JPH3: variants seen among roughly 807,000 people sequenced by gnomAD.
The protein encoded by JPH3 is junctophilin-3.
A neutral mutation model predicts 59.6 loss-of-function variants in JPH3; 11 were observed. The observed-to-expected ratio is 0.18, with a 90% CI of 0.12 to 0.31. The LOEUF (loss-of-function observed/expected upper bound fraction) is 0.31. Among genes scored for constraint, JPH3 ranks in the 10% least tolerant of loss-of-function variants. JPH3 has a pLI of 1.00. For synonymous variants in JPH3, 673 were observed against 483.6 expected (o/e 1.39, Z -5.14); for missense variants, 1,202 against 1,105.7 (o/e 1.09, Z -1.24).
intron 4 of JPH3, chr16:87,694,983 G>A (rs2033754968): frequency 3.4e-5 from 10 of 293,658 alleles, no homozygotes; most frequent in South Asian, 3.3e-4. Context: ...TCCACTCCGT[G>A]GCTGTTGTGA....
intron 2 of JPH3, among the ~76,000 whole-genome samples, chr16:87,673,753 C>T (rs1260577544): frequency 2.0e-5 from 3 of 151,918 alleles, no homozygotes; most frequent in Non-Finnish European, 4.4e-5. Flanking sequence ...TGGCGAAACC[C>T]TGTCTCTACT....
At chr16:87,692,433 G>C (rs532187895) in intron 4 of JPH3, among the ~76,000 whole-genome samples, 50 of 152,328 alleles carry the variant, frequency 3.3e-4, no homozygotes, top group African/African-American at 1.2e-3. Flanking sequence ...CCCTCACAGG[G>C]GTACAGCTCT....
intron 2 of JPH3, among the ~76,000 whole-genome samples, chr16:87,671,770 C>T (rs1321669979): frequency 6.6e-6 from 1 of 152,224 alleles, no homozygotes; most frequent in East Asian, 1.9e-4. Context: ...CTCCCTGAGG[C>T]ATGGAGACTG....
chr16:87,643,903 G>A (rs1434561161), intron 1 of JPH3, among the ~76,000 whole-genome samples: 1 of 152,178 alleles, frequency 6.6e-6, no homozygotes, highest in African/African-American at 2.4e-5. Flanking sequence ...ACTTCTGGAG[G>A]CTGAGGCAGG....
At chr16:87,654,220 TC>T (rs1238002912) in intron 2 of JPH3, 1 of 152,254 alleles carries the variant, frequency 6.6e-6, no homozygotes, top group Non-Finnish European at 1.5e-5. Context: ...CTCCAATGCA[TC>T]CCTCAAGACT....
chr16:87,660,787 C>T (rs556675179), intron 2 of JPH3, among the ~76,000 whole-genome samples: 1 of 152,198 alleles, frequency 6.6e-6, no homozygotes, highest in Non-Finnish European at 1.5e-5. Context: ...CTTGGGCCAT[C>T]CATATAAGGC....
intron 2 of JPH3, 38 bp downstream of exon 2, chr16:87,645,073 C>T: frequency 7.7e-6 from 12 of 1,566,854 alleles, no homozygotes; most frequent in Non-Finnish European, 1.0e-5. Context: ...TTCTTGGTGC[C>T]CAGAAGGTGT....
chr16:87,651,883 G>T (rs760886081), intron 2 of JPH3, among the ~76,000 whole-genome samples: 3 of 152,236 alleles, frequency 2.0e-5, no homozygotes, highest in East Asian at 1.9e-4. Flanking sequence ...AAGCTCTACC[G>T]TGAGTCAAAT....
intron 2 of JPH3, among the ~76,000 whole-genome samples, chr16:87,665,362 C>T (rs1052352657): frequency 6.6e-6 from 1 of 151,676 alleles, no homozygotes; most frequent in Non-Finnish European, 1.5e-5. Context: ...TGAGCCAGGT[C>T]ACCCTGGAGA....
chr16:87,663,377 G>A (rs1438838246), intron 2 of JPH3, among the ~76,000 whole-genome samples: 1 of 152,174 alleles, frequency 6.6e-6, no homozygotes, highest in African/African-American at 2.4e-5. Context: ...CAAACTACTG[G>A]GATTATAGGC....
rs113202509 is a variant in JPH3, at chr16:87,687,753, C to T, written c.1286-1893C>T. ...CCCTCCTGCTGGTGGTGCTGGGAGT[C>T]GGGGCCCCTCTAGCGTGGGGTCTCC... On this transcript the variant is annotated intron_variant, in intron 3 of 4. Coordinates refer to ENST00000284262, the MANE Select transcript of JPH3 (RefSeq NM_020655.4). Among the ~76,000 whole-genome samples, 1,496 of 152,252 alleles carry T rather than the reference C, an allele frequency of 9.8e-3. 8 individuals carry two copies. Among genetic ancestry groups the T allele is most frequent in the Non-Finnish European group, 0.018 (1,196 of 67,992 alleles).
chr16:87,684,380 C>T (rs1426232297), intron 3 of JPH3, 114 bp downstream of exon 3: 2 of 1,450,224 alleles, frequency 1.4e-6, no homozygotes, highest in Admixed American at 4.3e-5. Context: ...GGGCTCAGCC[C>T]CAGCTGCTCC....
intron 2 of JPH3, chr16:87,653,476 A>G (rs551653206): frequency 1.3e-5 from 2 of 152,308 alleles, no homozygotes; most frequent in Admixed American, 6.5e-5. Flanking sequence ...TGCATTATCT[A>G]CAGGAAAGTT....
intron 2 of JPH3, among the ~76,000 whole-genome samples, chr16:87,671,117 A>G (rs1295420979): frequency 6.6e-6 from 1 of 152,058 alleles, no homozygotes; most frequent in Non-Finnish European, 1.5e-5. Context: ...CTAATCATTG[A>G]GTCTTTGTAA....
chr16:87,645,095 G>A (rs1393159549), intron 2 of JPH3, 60 bp downstream of exon 2: 1 of 1,518,196 alleles, frequency 6.6e-7, no homozygotes, highest in Non-Finnish European at 8.9e-7. Context: ...TGTGAGCCCA[G>A]TCTGTTCAGT....
intron 1 of JPH3, among the ~76,000 whole-genome samples, chr16:87,630,889 TTTG>T (rs1256138617): frequency 2.0e-5 from 3 of 152,226 alleles, no homozygotes; most frequent in African/African-American, 7.2e-5. Context: ...TATTGCATTT[TTTG>T]TTGTTAAATC....
intron 2 of JPH3, among the ~76,000 whole-genome samples, chr16:87,659,592 G>A (rs769307099): frequency 6.6e-6 from 1 of 151,876 alleles, no homozygotes; most frequent in Non-Finnish European, 1.5e-5. Context: ...GTATTAGTGG[G>A]TGTGGTGACA....
chr16:87,604,763 A>G, intron 1 of JPH3: 1 of 756,258 alleles, frequency 1.3e-6, no homozygotes, highest in Non-Finnish European at 1.8e-6. Context: ...ATGCAACTGA[A>G]AAGCAGGGTT....
intron 1 of JPH3, among the ~76,000 whole-genome samples, chr16:87,633,482 C>CA (rs60063813): frequency 3.7e-4 from 53 of 144,178 alleles, no homozygotes; most frequent in African/African-American, 8.7e-4. Flanking sequence ...TAAGATTAAC[C>CA]AAAAAAAAAA....
Sources: gnomAD v4.1 joint callset for allele counts (sites outside exome capture counted in the v4.1 genomes callset) on GRCh38, gnomAD v4.1.1 for gene constraint, MANE v1.5 for transcripts, NCBI Gene and HGNC (gene_info 2026-07-23, HGNC 2026-07-21) for gene names.